Variants in CAPZA1 observed in about 807,000 individuals in gnomAD.
CAPZA1 encodes capping actin protein of muscle Z-line subunit alpha 1.
CAPZA1 carries 10 observed loss-of-function variants against 40.8 expected under a neutral mutation model. The observed-to-expected ratio is 0.25, with a 90% CI of 0.15 to 0.42. The LOEUF is 0.42. CAPZA1 is among the 10% of genes least tolerant of loss of function. The pLI is 1.00. For missense variants in CAPZA1, 277 were observed against 353.8 expected (o/e 0.78, Z 1.74); for synonymous variants, 98 against 115.0 (o/e 0.85, Z 0.95).
chr1:112,646,262 A>C lies in CAPZA1; in HGVS notation c.40-948A>C, dbSNP rs141280124. Reference sequence around the variant, plus strand: ...AGTGGTGAATAGTAGAGGTGATAGGAGTCATCTTTGCCTTGTGTTTAAAGT... The same window carrying C: ...AGTGGTGAATAGTAGAGGTGATAGGCGTCATCTTTGCCTTGTGTTTAAAGT... On this transcript the variant is annotated intron_variant, in intron 1 of 9. Transcript: ENST00000263168. Among the ~76,000 whole-genome samples the C allele has an allele frequency of 7.9e-5, 12 of 152,236 alleles. No homozygotes were observed. In the East Asian group the frequency reaches 2.3e-3, roughly 29 times the overall value.
chr1:112,657,594 T>TC (rs1382290881), intron 5 of CAPZA1, among the ~76,000 whole-genome samples: 27 of 152,124 alleles, frequency 1.8e-4, no homozygotes, highest in African/African-American at 6.3e-4. Context: ...AACCCCTAAT[T>TC]CTTTTTTTTT....
chr1:112,653,730 A>G, intron 4 of CAPZA1, 69 bp downstream of exon 4: 2 of 1,035,582 alleles, frequency 1.9e-6, no homozygotes, highest in Admixed American at 2.2e-5. Context: ...AAACCAAAGC[A>G]GATGTCTGAA....
chr1:112,624,469 G>A (rs190666833), intron 1 of CAPZA1, among the ~76,000 whole-genome samples: 3 of 152,034 alleles, frequency 2.0e-5, no homozygotes, highest in African/African-American at 7.2e-5. Flanking sequence ...TTAGCCAGGT[G>A]TGGTGGTGCA....
Position 112,670,669 on chromosome 1 carries a change from T to C in CAPZA1, c.*537T>C, listed in dbSNP as rs1671812829. 6.6e-6 allele frequency: 1 copy of C among 152,658 alleles called. No homozygotes were observed. 9.5% of individuals were successfully genotyped at this position (152,658 alleles called of 1,614,324 possible). On this transcript the variant is annotated 3_prime_UTR_variant, in exon 10 of 10. Coordinates refer to ENST00000263168, the MANE Select transcript of CAPZA1 (RefSeq NM_006135.3). ...TCATTTATTGCATCTCATAACTAAT[T>C]TTCTAAAGTTTGGATTGGGACTTTT...
intron 1 of CAPZA1, 79 bp downstream of exon 1, chr1:112,619,962 C>T (rs1670554951): frequency 8.7e-7 from 1 of 1,152,672 alleles, no homozygotes; most frequent in South Asian, 1.3e-5. Flanking sequence ...GGGAGCCTAG[C>T]AGTGTCCCCA....
chr1:112,645,757 CAAA>C (rs1671267360), intron 1 of CAPZA1, among the ~76,000 whole-genome samples: 2 of 131,316 alleles, frequency 1.5e-5, no homozygotes, highest in Non-Finnish European at 3.3e-5. Flanking sequence ...AAAAAAAAGA[CAAA>C]AGGAATTACC....
At position 112,624,403 on chromosome 1, in the gene CAPZA1, G is replaced by C. The variant is rs146173766; in HGVS notation, c.39+4520G>C. Among the ~76,000 whole-genome samples the C allele has an allele frequency of 4.5e-3, 680 of 152,146 alleles. 2 individuals are homozygous for C. Among genetic ancestry groups the C allele is most frequent in the African/African-American group, 0.016 (648 of 41,496 alleles). The stretch of plus-strand genomic sequence containing the variant: ...GCGGTCAGATCATCTGAGGTCAGGA[G>C]TTAGAGACCAGCCTGACCAACACGG... On this transcript the variant is annotated intron_variant, in intron 1 of 9. Coordinates refer to ENST00000263168, the MANE Select transcript of CAPZA1 (RefSeq NM_006135.3).
At chr1:112,659,510 A>T in intron 6 of CAPZA1, 191 bp from the exon 7 acceptor site, 1 of 582,704 alleles carries the variant, frequency 1.7e-6, no homozygotes, top group Admixed American at 3.1e-5. Flanking sequence ...TGGTCAGGCC[A>T]CTTAGATCCA....
intron 1 of CAPZA1, among the ~76,000 whole-genome samples, chr1:112,632,504 A>T (rs1268582966): frequency 6.6e-6 from 1 of 152,046 alleles, no homozygotes; most frequent in African/African-American, 2.4e-5. Context: ...ACTTGATCAG[A>T]TATCAAGGGT....
intron 5 of CAPZA1, among the ~76,000 whole-genome samples, chr1:112,657,246 G>A (rs1007060702): frequency 6.6e-6 from 1 of 152,124 alleles, no homozygotes; most frequent in South Asian, 2.1e-4. Flanking sequence ...TACAAGGCAT[G>A]AGCCACCAGG....
chr1:112,623,998 T>A (rs1251364056), intron 1 of CAPZA1, among the ~76,000 whole-genome samples: 2 of 86,992 alleles, frequency 2.3e-5, no homozygotes, highest in African/African-American at 4.7e-5. Flanking sequence ...AGAGCAAGAC[T>A]CCATCTCAAA....
chr1:112,636,509 T>A (rs1671022756), intron 1 of CAPZA1, among the ~76,000 whole-genome samples: 1 of 152,242 alleles, frequency 6.6e-6, no homozygotes, highest in Non-Finnish European at 1.5e-5. Context: ...AAGCCTCGGA[T>A]AGTCTCCCTT....
At chr1:112,662,403 T>C (rs948004200) in intron 7 of CAPZA1, among the ~76,000 whole-genome samples, 1 of 140,542 alleles carries the variant, frequency 7.1e-6, no homozygotes, top group African/African-American at 2.6e-5. Context: ...TTCTTTTTTT[T>C]TTTTTTTTTT....
At chr1:112,619,904 TC>T (rs1456715271) in intron 1 of CAPZA1, 21 bp downstream of exon 1, 4 of 1,592,758 alleles carry the variant, frequency 2.5e-6, no homozygotes, top group Non-Finnish European at 3.4e-6. Context: ...CGCCTCTCTC[TC>T]TTACCTCCTC....
At chr1:112,656,191 G>A (rs1330973196) in intron 5 of CAPZA1, among the ~76,000 whole-genome samples, 1 of 152,128 alleles carries the variant, frequency 6.6e-6, no homozygotes, top group Non-Finnish European at 1.5e-5. Flanking sequence ...CTACTTTGAA[G>A]CCTTACTAAC....
intron 7 of CAPZA1, 37 bp downstream of exon 7, chr1:112,659,816 C>A (rs757276200): frequency 7.9e-5 from 119 of 1,507,308 alleles, no homozygotes; most frequent in Non-Finnish European, 1.0e-4. Flanking sequence ...TAAAACTTCA[C>A]ATCTTTAAAA....
chr1:112,630,901 C>T (rs1465009742), intron 1 of CAPZA1, among the ~76,000 whole-genome samples: 1 of 152,108 alleles, frequency 6.6e-6, no homozygotes, highest in Non-Finnish European at 1.5e-5. Flanking sequence ...ATGTTATATT[C>T]GTCTTATGTT....
At chr1:112,623,709 C>T (rs373983338) in intron 1 of CAPZA1, among the ~76,000 whole-genome samples, 19 of 149,902 alleles carry the variant, frequency 1.3e-4, no homozygotes, top group Admixed American at 6.6e-4. Context: ...AAAGAAAGCC[C>T]GGGCGCGGTG....
chr1:112,660,476 C>T (rs1479009518), intron 7 of CAPZA1, among the ~76,000 whole-genome samples: 1 of 151,940 alleles, frequency 6.6e-6, no homozygotes, highest in African/African-American at 2.4e-5. Flanking sequence ...GGCGGGGTTT[C>T]TCCATGTTGG....
Sources: allele counts gnomAD v4.1 joint callset (sites outside exome capture counted in the v4.1 genomes callset), GRCh38; gene constraint gnomAD v4.1.1; transcripts MANE v1.5; gene names NCBI Gene and HGNC (gene_info 2026-07-23, HGNC 2026-07-21).